Variants in YPEL1 observed in about 807,000 individuals in gnomAD.
YPEL1 encodes the protein yippee like 1.
YPEL1 carries 7 observed loss-of-function variants against 17.3 expected under a neutral mutation model. The observed-to-expected ratio is 0.40, with a 90% CI of 0.23 to 0.76. YPEL1 has a LOEUF of 0.76. Among genes scored for constraint, YPEL1 ranks in the 30% least tolerant of loss-of-function variants. The probability of loss-of-function intolerance (pLI) is 0.35; values close to 1 mark genes in which losing one functional copy is unlikely to be tolerated. For missense variants in YPEL1, 91 were observed against 155.5 expected, an observed-to-expected ratio of 0.59 and a Z score of 2.21; for synonymous variants, 59 against 59.6, an observed-to-expected ratio of 0.99 and a Z score of 0.05.
chr22:21,702,159 A>G (rs2068072591), intron 4 of YPEL1, among the ~76,000 whole-genome samples: 1 of 152,160 alleles, frequency 6.6e-6, no homozygotes, highest in African/African-American at 2.4e-5. Flanking sequence ...GATGACCAAG[A>G]TGGATCCTGC....
At chr22:21,723,822 C>T (rs1250341205) in intron 1 of YPEL1, among the ~76,000 whole-genome samples, 1 of 151,646 alleles carries the variant, frequency 6.6e-6, no homozygotes, top group Admixed American at 6.6e-5. Context: ...CACGTCATCA[C>T]GCCCAGCTGA....
intron 1 of YPEL1, among the ~76,000 whole-genome samples, chr22:21,729,997 C>A (rs1461949303): frequency 6.6e-6 from 1 of 151,654 alleles, no homozygotes; most frequent in Non-Finnish European, 1.5e-5. Context: ...ACTAAAAATA[C>A]AAAAATTAGC....
chr22:21,728,568 G>C (rs2068357815), intron 1 of YPEL1, among the ~76,000 whole-genome samples: 1 of 152,144 alleles, frequency 6.6e-6, no homozygotes. Flanking sequence ...AGCACCCAAG[G>C]TTGCACAGCC....
intron 1 of YPEL1, among the ~76,000 whole-genome samples, chr22:21,722,300 C>T (rs1462589324): frequency 3.3e-5 from 5 of 152,182 alleles, no homozygotes; most frequent in Non-Finnish European, 7.3e-5. Context: ...CCTGTAGTCC[C>T]AGCTACTTGG....
Position 21,710,904 on chromosome 22 carries a change from G to A in YPEL1, c.-160C>T, listed in dbSNP as rs2068158439. On this transcript the variant is annotated 5_prime_UTR_variant, in exon 2 of 5. In the 5' UTR this introduces an upstream ATG that the reference lacks. Transcript: ENST00000339468. ...CACACAGCTGGGACGAGAGAAAAAC[G>A]TAACCTGCCAACCAATCAGACAAAG... 13 of 681,080 alleles carry A rather than the reference G, an allele frequency of 1.9e-5. No homozygotes were observed. The highest frequency in any genetic ancestry group is 1.0e-4 in the East Asian group (4 of 39,482). 42.2% of individuals were successfully genotyped at this position (681,080 alleles called of 1,614,324 possible).
chr22:21,698,988 CTG>C lies in YPEL1; in HGVS notation c.*2139_*2140del, dbSNP rs2068035757. ...ATGTGCTTTAAAGGAACTTCTGCCT[CTG>C]TCACTCCTGCTGAGTGGATGCATCT... On this transcript the variant is annotated 3_prime_UTR_variant, in exon 5 of 5. Coordinates refer to ENST00000339468, the MANE Select transcript of YPEL1 (RefSeq NM_013313.5). 1.3e-5 allele frequency: 2 copies of C among 152,444 alleles called. No homozygotes were observed. Among genetic ancestry groups the C allele is most frequent in the African/African-American group, 4.8e-5 (2 of 41,476 alleles). The allele number at this position is 152,444 out of a possible 1,614,324, so 9.4% of individuals were successfully genotyped here. A position where few individuals can be genotyped will look rare whatever the true frequency, so the allele number is the denominator to read the frequency against.
At position 21,700,474 on chromosome 22, in the gene YPEL1, GCT is replaced by G. The variant is rs1491217315; in HGVS notation, c.*653_*654del. On this transcript the variant is annotated 3_prime_UTR_variant, in exon 5 of 5. Coordinates refer to ENST00000339468, the MANE Select transcript of YPEL1 (RefSeq NM_013313.5). ...TTAAAGGCATGCGCCACCATACCCAGCTTTTTTTTTTTTTTTTGAGACGATGT... is the reference window on the plus strand; with the variant it reads ...TTAAAGGCATGCGCCACCATACCCAGTTTTTTTTTTTTTTTGAGACGATGT... The G allele has an allele frequency of 1.5e-4, 11 of 72,680 alleles. No homozygotes were observed. Among genetic ancestry groups the G allele is most frequent in the Non-Finnish European group, 2.7e-4 (11 of 40,210 alleles). The allele number at this position is 72,680 out of a possible 1,614,324, so 4.5% of individuals were successfully genotyped here. A position where few individuals can be genotyped will look rare whatever the true frequency, so the allele number is the denominator to read the frequency against.
At chr22:21,732,229 T>C (rs2068394866) in intron 1 of YPEL1, among the ~76,000 whole-genome samples, 1 of 152,212 alleles carries the variant, frequency 6.6e-6, no homozygotes, top group African/African-American at 2.4e-5. Flanking sequence ...TCGCACTGCT[T>C]GCTCCAAAAA....
chr22:21,711,160 T>C (rs990087730), intron 1 of YPEL1, among the ~76,000 whole-genome samples: 2 of 151,798 alleles, frequency 1.3e-5, no homozygotes, highest in Non-Finnish European at 2.9e-5. Flanking sequence ...GTAGCTGGGA[T>C]TACAGGAACA....
At chr22:21,728,854 T>A (rs1394271971) in intron 1 of YPEL1, among the ~76,000 whole-genome samples, 1 of 151,416 alleles carries the variant, frequency 6.6e-6, no homozygotes. Context: ...TACAAAAAAA[T>A]ACAAAAGCCC....
intron 1 of YPEL1, among the ~76,000 whole-genome samples, chr22:21,734,719 A>T (rs2068420352): frequency 6.6e-6 from 1 of 152,150 alleles, no homozygotes; most frequent in Admixed American, 6.5e-5. Flanking sequence ...AGCTCCTGGC[A>T]CCTGGCAGGG....
At chr22:21,717,095 C>T (rs147697862) in intron 1 of YPEL1, among the ~76,000 whole-genome samples, 5 of 142,934 alleles carry the variant, frequency 3.5e-5, no homozygotes, top group African/African-American at 5.1e-5. Context: ...GCCGGGCGCG[C>T]TGGCTCACGC....
intron 1 of YPEL1, among the ~76,000 whole-genome samples, chr22:21,726,082 A>G (rs1354891653): frequency 1.3e-5 from 2 of 152,206 alleles, no homozygotes; most frequent in Non-Finnish European, 2.9e-5. Context: ...ATGGGCACCA[A>G]GGAGTCTCTG....
Position 21,699,610 on chromosome 22 carries a change from G to T in YPEL1, c.*1519C>A, listed in dbSNP as rs2068043974. ...ACGGGCAACGCGTCTAGCAGGCCAG[G>T]CGTCTTCATGCACAAAGGCTAAACT... On this transcript the variant is annotated 3_prime_UTR_variant, in exon 5 of 5. Coordinates refer to ENST00000339468, the MANE Select transcript of YPEL1 (RefSeq NM_013313.5). The T allele has an allele frequency of 6.6e-6, 1 of 152,636 alleles. No homozygotes were observed. 9.5% of individuals were successfully genotyped at this position (152,636 alleles called of 1,614,324 possible). A position where few individuals can be genotyped will look rare whatever the true frequency, so the allele number is the denominator to read the frequency against.
intron 2 of YPEL1, among the ~76,000 whole-genome samples, chr22:21,709,928 A>G (rs1469503517): frequency 6.7e-6 from 1 of 149,598 alleles, no homozygotes; most frequent in Non-Finnish European, 1.5e-5. Flanking sequence ...GGATGCGGGG[A>G]GTTCATGACC....
chr22:21,713,200 T>A (rs185381241), intron 1 of YPEL1, among the ~76,000 whole-genome samples: 4 of 152,194 alleles, frequency 2.6e-5, no homozygotes, highest in African/African-American at 9.7e-5. Context: ...GGAAACAGTA[T>A]GGTAATTCCT....
intron 4 of YPEL1, among the ~76,000 whole-genome samples, chr22:21,701,875 C>T (rs1053225548): frequency 6.6e-6 from 1 of 152,104 alleles, no homozygotes; most frequent in Non-Finnish European, 1.5e-5. Context: ...GCCTACGCAA[C>T]ACAGTGATTT....
Position 21,715,668 on chromosome 22 carries a change from G to A in YPEL1, c.-164-4760C>T, listed in dbSNP as rs147990808. ...ACCATCTGCGCTCACTGCAACCTCCGCCTCCCGGGTTCAAGTGATTCTCCT... is the reference window on the plus strand; with the variant it reads ...ACCATCTGCGCTCACTGCAACCTCCACCTCCCGGGTTCAAGTGATTCTCCT... On this transcript the variant is annotated intron_variant, in intron 1 of 4. Transcript: ENST00000339468. Among the ~76,000 whole-genome samples the A allele has an allele frequency of 9.4e-3, 1,103 of 117,102 alleles. 121 individuals are homozygous for A. The highest frequency in any genetic ancestry group is 0.017 in the South Asian group (62 of 3,688). 76.8% of individuals were successfully genotyped at this position (117,102 alleles called of 152,430 possible).
At chr22:21,728,592 G>A (rs2068358002) in intron 1 of YPEL1, among the ~76,000 whole-genome samples, 1 of 152,218 alleles carries the variant, frequency 6.6e-6, no homozygotes, top group Non-Finnish European at 1.5e-5. Context: ...GACCTGTGAA[G>A]CTGGATTCAA....
Sources: gnomAD v4.1 joint callset for allele counts (sites outside exome capture counted in the v4.1 genomes callset) on GRCh38, gnomAD v4.1.1 for gene constraint, MANE v1.5 for transcripts, NCBI Gene and HGNC (gene_info 2026-07-23, HGNC 2026-07-21) for gene names.